ZNF254: variants seen among roughly 807,000 people sequenced by gnomAD.
ZNF254 encodes the protein CTD-2017D11.1.
Under a neutral mutation model 12.4 loss-of-function variants are expected in ZNF254, and 10 were observed. The ratio of observed to expected loss-of-function variants is 0.80; its 90% CI spans 0.50 to 1.36. ZNF254 has a LOEUF of 1.36. Among genes scored for constraint, ZNF254 ranks in the 40% most tolerant of loss-of-function variants. The pLI is 0.00. For synonymous variants in ZNF254, 305 were observed against 253.4 expected, an observed-to-expected ratio of 1.20 and a Z score of -1.93; for missense variants, 996 against 763.9, an observed-to-expected ratio of 1.30 and a Z score of -3.58.
intron 1 of ZNF254, chr19:24,099,070 C>T (rs1972847742): frequency 7.1e-6 from 1 of 141,708 alleles, no homozygotes; most frequent in African/African-American, 2.7e-5. Context: ...GATCTCAGCT[C>T]ACTGCAACCT....
intron 1 of ZNF254, among the ~76,000 whole-genome samples, chr19:24,093,153 TCTTGTAAA>T (rs1837290921): frequency 6.6e-6 from 1 of 152,116 alleles, no homozygotes; most frequent in African/African-American, 2.4e-5. Flanking sequence ...GTCTTTTTTT[TCTTGTAAA>T]CTTAAGATTT....
In ZNF254 at chr19:24,087,231, T is replaced by C; in HGVS notation, c.-77T>C. The C allele has an allele frequency of 6.2e-7, 1 of 1,600,988 alleles. No homozygotes were observed. The highest frequency in any genetic ancestry group is 8.6e-7 in the Non-Finnish European group (1 of 1,169,464). ...GCCGGAGTCCCAGGTCTGTCTTCAC[T>C]GCTCTGTGTCCTCTGCTCCTAGAGG... On this transcript the variant is annotated 5_prime_UTR_variant, in exon 1 of 4. Transcript: ENST00000357002.
chr19:24,101,044 C>T (rs1033697343), intron 1 of ZNF254, among the ~76,000 whole-genome samples: 1 of 152,118 alleles, frequency 6.6e-6, no homozygotes, highest in Admixed American at 6.5e-5. Flanking sequence ...TCAGGCTGGT[C>T]TCGAACTCCC....
chr19:24,126,488 TC>T lies in ZNF254; in HGVS notation c.489del (p.Tyr164IlefsTer4), dbSNP rs766439927. 7.6e-6 allele frequency: 12 copies of T among 1,587,430 alleles called. No homozygotes were observed. In the East Asian group the frequency reaches 2.2e-4, roughly 30 times the overall value. On this transcript the variant is annotated frameshift_variant, in exon 4 of 4. Transcript: ENST00000357002. LOFTEE classifies it low-confidence loss of function (END_TRUNC). The part of the protein sequence containing the change: ...VFQCDKYLKV[F>X]YKFLNSNRPK... ...CAATGTGATAAATATTTGAAAGTCT[TC>T]TATAAATTTTTAAATTCAAACAGAC... is the stretch of plus-strand genomic sequence containing the variant.
At chr19:24,117,264 G>C (rs1974147626) in intron 3 of ZNF254, among the ~76,000 whole-genome samples, 1 of 152,146 alleles carries the variant, frequency 6.6e-6, no homozygotes, top group African/African-American at 2.4e-5. Context: ...AGAGGTTACT[G>C]CTGTCTTGTT....
intron 2 of ZNF254, among the ~76,000 whole-genome samples, chr19:24,056,958 T>C (rs1442788564): frequency 4.1e-5 from 6 of 146,798 alleles, no homozygotes; most frequent in African/African-American, 1.5e-4. Context: ...ACAGTGGAGA[T>C]TGTGACATCT....
At chr19:24,076,973 A>G (rs1384649774) in intron 2 of ZNF254, among the ~76,000 whole-genome samples, 3 of 152,190 alleles carry the variant, frequency 2.0e-5, no homozygotes, top group African/African-American at 7.2e-5. Flanking sequence ...ATTTGCTCAG[A>G]AGGAAATTCC....
intron 2 of ZNF254, among the ~76,000 whole-genome samples, chr19:24,067,833 C>G (rs1002826000): frequency 6.6e-6 from 1 of 152,052 alleles, no homozygotes; most frequent in Non-Finnish European, 1.5e-5. Flanking sequence ...GGGTCTGCCA[C>G]CCAGGTAATG....
Position 24,087,275 on chromosome 19 carries a change from G to A in ZNF254, c.-33G>A. On this transcript the variant is annotated 5_prime_UTR_variant, in exon 1 of 4. Transcript: ENST00000357002. ...CTAGAGGCCCAGCCTCTGTGGCGCT[G>A]TTACCAGCAGGTATTGGAGATCCAC... 2 of 1,613,032 alleles carry A rather than the reference G, an allele frequency of 1.2e-6. No individual in the cohort carries two copies. Among genetic ancestry groups the A allele is most frequent in the Non-Finnish European group, 1.7e-6 (2 of 1,179,388 alleles).
upstream of ZNF254, among the ~76,000 whole-genome samples, chr19:24,084,932 CTTT>C (rs150066308): frequency 1.7e-5 from 2 of 119,658 alleles, no homozygotes; most frequent in Admixed American, 8.9e-5. Flanking sequence ...TGACCACAAT[CTTT>C]TTTTTTTTTT....
intron 1 of ZNF254, among the ~76,000 whole-genome samples, chr19:24,092,422 C>G (rs12979078): frequency 6.6e-5 from 10 of 152,064 alleles, no homozygotes; most frequent in South Asian, 4.2e-4. Flanking sequence ...CACCCTCCCC[C>G]CCGGCCTCCC....
chr19:24,055,205 C>CA (rs71167733), intron 2 of ZNF254, among the ~76,000 whole-genome samples: 14,509 of 28,294 alleles, frequency 0.51, 5,924 homozygotes, highest in Middle Eastern at 0.83. Context: ...TCTGTCTCAC[C>CA]AAAAAAAAAA....
At chr19:24,062,109 GAA>G (rs1035760773) in intron 2 of ZNF254, among the ~76,000 whole-genome samples, 3 of 113,588 alleles carry the variant, frequency 2.6e-5, no homozygotes, top group Non-Finnish European at 5.7e-5. Context: ...AAAAGAAAAA[GAA>G]AAAGGAGTAA....
intron 2 of ZNF254, among the ~76,000 whole-genome samples, chr19:24,069,955 G>A (rs992415685): frequency 3.9e-5 from 6 of 152,130 alleles, no homozygotes; most frequent in East Asian, 3.9e-4. Flanking sequence ...ACATCCTGCC[G>A]CTCATTACAA....
Position 24,127,541 on chromosome 19 carries a change from G to A in ZNF254, c.1541G>A (p.Gly514Glu), listed in dbSNP as rs1568480158. Residue 514 changes from glycine (G) to glutamate (E), a missense_variant, in exon 4 of 4, where the codon GGA becomes GAA. Transcript: ENST00000357002. ...TLTTHKIIHT[G>E]EKPYKCEECG... is the part of the protein sequence containing the mutation. Reference sequence around the variant, plus strand: ...ACTACACATAAGATAATTCATACTGGAGAGAAACCCTACAAATGTGAAGAA... The same window carrying A: ...ACTACACATAAGATAATTCATACTGAAGAGAAACCCTACAAATGTGAAGAA... 6.2e-7 allele frequency: 1 copy of A among 1,613,444 alleles called. No individual in the cohort carries two copies. Among genetic ancestry groups the A allele is most frequent in the Non-Finnish European group, 8.5e-7 (1 of 1,179,838 alleles).
At chr19:24,079,353 C>A (rs990323960) in intron 2 of ZNF254, 3 of 152,152 alleles carry the variant, frequency 2.0e-5, no homozygotes, top group Admixed American at 6.6e-5. Context: ...TATTGAGAAC[C>A]ATTTGTCCCT....
rs1046430830 is a variant in ZNF254 at position 24,116,814 on chromosome 19, T to C, written c.254-9440T>C. Among the ~76,000 whole-genome samples, 8 of 152,120 alleles carry C rather than the reference T, an allele frequency of 5.3e-5. No individual in the cohort carries two copies. The East Asian group carries it at 1.5e-3, about 29-fold the overall frequency. On this transcript the variant is annotated intron_variant, in intron 3 of 3. Coordinates refer to ENST00000357002, the MANE Select transcript of ZNF254 (RefSeq NM_203282.4). Reference sequence around the variant, plus strand: ...CAGTTTTTCTGCTGTTTTTTCCCCATCTTTGTGGTTTTATCTACTTTTGGT... The same window carrying C: ...CAGTTTTTCTGCTGTTTTTTCCCCACCTTTGTGGTTTTATCTACTTTTGGT...
intron 1 of ZNF254, among the ~76,000 whole-genome samples, chr19:24,039,837 CA>C (rs1158191474): frequency 6.6e-6 from 1 of 152,146 alleles, no homozygotes; most frequent in African/African-American, 2.4e-5. Flanking sequence ...GTTCTGATGT[CA>C]CCACCTGAAG....
rs1972842752 is a variant in ZNF254 at position 24,099,021 on chromosome 19, C to T, written c.31-6919C>T. ...TTTTTTTTTTTTTTTTTTTTTGAGA[C>T]AGTCTTGCCCTGTCTCCCAGGCTGG... On this transcript the variant is annotated intron_variant, in intron 1 of 3. Transcript: ENST00000357002. The T allele has an allele frequency of 2.9e-5, 2 of 69,176 alleles. 1 individual carries two copies. Among genetic ancestry groups the T allele is most frequent in the South Asian group, 9.0e-4 (2 of 2,218 alleles). 4.3% of individuals were successfully genotyped at this position (69,176 alleles called of 1,614,324 possible). A position where few individuals can be genotyped will look rare whatever the true frequency, so the allele number is the denominator to read the frequency against.
Sources: allele counts gnomAD v4.1 joint callset (sites outside exome capture counted in the v4.1 genomes callset), GRCh38; gene constraint gnomAD v4.1.1; transcripts MANE v1.5; gene names NCBI Gene and HGNC (gene_info 2026-07-23, HGNC 2026-07-21).